FAM53A: variants seen among roughly 807,000 people sequenced by gnomAD.
FAM53A encodes the protein protein FAM53A.
In FAM53A, 28 loss-of-function variants were observed where a neutral mutation model predicts 26.6. That is an observed-to-expected ratio of 1.05 (90% CI 0.78 to 1.45). FAM53A has a LOEUF of 1.45. Ranked by LOEUF, FAM53A falls within the 40% of genes most tolerant of loss-of-function variation. The pLI is 0.00. For synonymous variants in FAM53A, 290 were observed against 253.1 expected (o/e 1.15, Z -1.38); for missense variants, 650 against 575.8 (o/e 1.13, Z -1.32).
At chr4:1,643,567 A>ATTT (rs71167742) in intron 4 of FAM53A, among the ~76,000 whole-genome samples, 5 of 140,628 alleles carry the variant, frequency 3.6e-5, no homozygotes, top group South Asian at 2.3e-4. Context: ...CTAAAGAATA[A>ATTT]TTTTTTTTTT....
At chr4:1,579,312 G>T in the FAM53A span, among the ~76,000 whole-genome samples, 1 of 150,830 alleles carries the variant, frequency 6.6e-6, no homozygotes. Context: ...GGGCCCTGCC[G>T]CTGCGCCCAC....
Position 1,659,949 on chromosome 4 carries a change from T to C in FAM53A, c.76-2481A>G, listed in dbSNP as rs1351135060. Among the ~76,000 whole-genome samples the C allele has an allele frequency of 6.6e-6, 1 of 152,142 alleles. No individual in the cohort carries two copies. Among genetic ancestry groups the C allele is most frequent in the African/African-American group, 2.4e-5 (1 of 41,424 alleles). ...ATCCCGTCACCTTGAGGGTGAGGAC[T>C]TCAACATATGGGTTTCGGGGAATGT... On this transcript the variant is annotated intron_variant, in intron 2 of 4. Coordinates refer to ENST00000308132, the MANE Select transcript of FAM53A (RefSeq NM_001174070.3). This position sits in a 1 kb window ranked among gnomAD's most constrained non-coding sequence, Gnocchi z 5.2.
chr4:1,647,979 C>T (rs1346453928), intron 4 of FAM53A, among the ~76,000 whole-genome samples: 1 of 152,144 alleles, frequency 6.6e-6, no homozygotes. Context: ...GGAGGTGAGG[C>T]AGGAAGATGG....
At chr4:1,608,420 C>T in the FAM53A span, among the ~76,000 whole-genome samples, 1 of 152,172 alleles carries the variant, frequency 6.6e-6, no homozygotes, top group South Asian at 2.1e-4. Flanking sequence ...CTGCTGTTTC[C>T]ATGCTCACGG....
At chr4:1,649,854 CAGTG>C (rs900829164) in intron 4 of FAM53A, among the ~76,000 whole-genome samples, 2 of 150,140 alleles carry the variant, frequency 1.3e-5, no homozygotes, top group African/African-American at 4.9e-5. Context: ...TGGTGTTTGA[CAGTG>C]AGGTGGCACA....
chr4:1,614,119 A>G (rs1314626452), downstream of FAM53A, among the ~76,000 whole-genome samples: 1 of 152,188 alleles, frequency 6.6e-6, no homozygotes, highest in Admixed American at 6.5e-5. Context: ...GGTGTGGAGC[A>G]GCAGACACTG....
the FAM53A span, among the ~76,000 whole-genome samples, chr4:1,602,285 A>C: frequency 1.3e-5 from 2 of 152,170 alleles, no homozygotes; most frequent in African/African-American, 4.8e-5. Flanking sequence ...CCTCCAAATG[A>C]AAGTCTGTTT....
chr4:1,610,358 T>C, the FAM53A span, among the ~76,000 whole-genome samples: 1 of 152,110 alleles, frequency 6.6e-6, no homozygotes, highest in Non-Finnish European at 1.5e-5. Context: ...ACACCGCCCG[T>C]GCAGGGGAGC....
chr4:1,576,859 C>T, the FAM53A span, among the ~76,000 whole-genome samples: 1 of 152,172 alleles, frequency 6.6e-6, no homozygotes, highest in Non-Finnish European at 1.5e-5. Context: ...CTTCACTTCC[C>T]ACTCTGTAAA....
At position 1,679,723 on chromosome 4, in the gene FAM53A, G is replaced by A. The variant is rs943365421; in HGVS notation, c.-165+4510C>T. Reference sequence around the variant, plus strand: ...AAAAAAAGAACCCAACCCAACTAAAGAAAAAATTGGGGCAAAGACTTTCAC... The same window carrying A: ...AAAAAAAGAACCCAACCCAACTAAAAAAAAAATTGGGGCAAAGACTTTCAC... On this transcript the variant is annotated intron_variant, in intron 1 of 4. Transcript: ENST00000308132. 2.8e-3 allele frequency among the ~76,000 whole-genome samples: 400 copies of A among 141,130 alleles called. 1 individual carries two copies. Among genetic ancestry groups the A allele is most frequent in the African/African-American group, 9.8e-3 (368 of 37,408 alleles). 92.6% of individuals were successfully genotyped at this position (141,130 alleles called of 152,430 possible).
chr4:1,610,983 G>A, the FAM53A span, among the ~76,000 whole-genome samples: 1 of 152,222 alleles, frequency 6.6e-6, no homozygotes, highest in African/African-American at 2.4e-5. Flanking sequence ...GCACAGCCCT[G>A]CCACTGGCAC....
intron 1 of FAM53A, among the ~76,000 whole-genome samples, chr4:1,670,590 T>C (rs1377241410): frequency 2.0e-5 from 3 of 152,206 alleles, no homozygotes. Context: ...TGAAATCGCG[T>C]GCTCAGCACT....
the FAM53A span, among the ~76,000 whole-genome samples, chr4:1,584,335 T>C: frequency 6.6e-6 from 1 of 152,240 alleles, no homozygotes. Flanking sequence ...CTGAATCTCT[T>C]ATGTTTAGGT....
At chr4:1,593,909 G>A in the FAM53A span, among the ~76,000 whole-genome samples, 1 of 152,148 alleles carries the variant, frequency 6.6e-6, no homozygotes, top group African/African-American at 2.4e-5. Context: ...ACAAAGGACG[G>A]GGCAGGGTAA....
intron 2 of FAM53A, among the ~76,000 whole-genome samples, chr4:1,662,419 C>T (rs1226830949): frequency 7.2e-6 from 1 of 137,948 alleles, no homozygotes; most frequent in Non-Finnish European, 1.5e-5. Context: ...GTGGAGGTTG[C>T]AGTGAGCCAA....
chr4:1,610,327 A>G, the FAM53A span, among the ~76,000 whole-genome samples: 1 of 152,238 alleles, frequency 6.6e-6, no homozygotes, highest in Admixed American at 6.5e-5. Flanking sequence ...GCCTGCCGGA[A>G]GACCTGCCAC....
At chr4:1,649,171 GGGAAA>G (rs1353508521) in intron 4 of FAM53A, among the ~76,000 whole-genome samples, 4 of 138,726 alleles carry the variant, frequency 2.9e-5, no homozygotes, top group African/African-American at 1.2e-4. Context: ...GAAGGGGAAA[GGGAAA>G]GGGAAGGGGA....
At chr4:1,638,376 A>C (rs958413385), downstream of FAM53A, among the ~76,000 whole-genome samples, 3 of 152,052 alleles carry the variant, frequency 2.0e-5, no homozygotes, top group Non-Finnish European at 4.4e-5. Context: ...CGCAGAGGAC[A>C]CAGCAGGTCG....
downstream of FAM53A, among the ~76,000 whole-genome samples, chr4:1,636,933 G>C (rs1215353725): frequency 6.6e-6 from 1 of 152,102 alleles, no homozygotes; most frequent in Non-Finnish European, 1.5e-5. Context: ...TGCCCCTCCA[G>C]TGTTACCCAT....
Sources: allele counts gnomAD v4.1 joint callset (sites outside exome capture counted in the v4.1 genomes callset), GRCh38; gene constraint gnomAD v4.1.1; non-coding constraint Gnocchi (gnomAD v3.1); transcripts MANE v1.5; gene names NCBI Gene and HGNC (gene_info 2026-07-23, HGNC 2026-07-21).